The following C10orf67 variants were observed in gnomAD, a reference collection of about 807,000 sequenced individuals.
C10orf67 encodes the protein uncharacterized protein C10orf67, mitochondrial.
Under a neutral mutation model 35.6 loss-of-function variants are expected in C10orf67, and 60 were observed. The observed-to-expected ratio is 1.68, with a 90% CI of 1.37 to 2.09. C10orf67 has a LOEUF of 2.09. C10orf67 is among the 30% of genes most tolerant of loss of function. The pLI is 0.00. For synonymous variants in C10orf67, 167 were observed against 115.8 expected, an observed-to-expected ratio of 1.44 and a Z score of -2.84; for missense variants, 474 against 330.2, an observed-to-expected ratio of 1.44 and a Z score of -3.38.
At chr10:23,220,292 T>C (rs978521048) in intron 15 of C10orf67, among the ~76,000 whole-genome samples, 1 of 152,216 alleles carries the variant, frequency 6.6e-6, no homozygotes, top group Admixed American at 6.5e-5. Context: ...GGGATTATAC[T>C]ATGAACAGCT....
intron 13 of C10orf67, among the ~76,000 whole-genome samples, chr10:23,228,930 A>G (rs971474660): frequency 1.3e-5 from 2 of 152,152 alleles, no homozygotes; most frequent in Non-Finnish European, 1.5e-5. Flanking sequence ...AAAGCCAGGA[A>G]ACAACAGGTG....
At chr10:23,290,171 A>C (rs1049824597) in intron 6 of C10orf67, among the ~76,000 whole-genome samples, 1 of 152,228 alleles carries the variant, frequency 6.6e-6, no homozygotes, top group Non-Finnish European at 1.5e-5. Flanking sequence ...AAGTAAGTTC[A>C]AGATCCAAGT....
At chr10:23,225,981 A>T (rs1841729777) in intron 13 of C10orf67, among the ~76,000 whole-genome samples, 1 of 152,054 alleles carries the variant, frequency 6.6e-6, no homozygotes, top group Non-Finnish European at 1.5e-5. Context: ...CTCACACACA[A>T]TAATAATGGG....
At chr10:23,207,151 CTTT>C (rs10718721) in intron 15 of C10orf67, among the ~76,000 whole-genome samples, 14 of 139,442 alleles carry the variant, frequency 1.0e-4, no homozygotes, top group Non-Finnish European at 9.4e-5. Context: ...TTCCTAAAGG[CTTT>C]TTTTTTTTTT....
chr10:23,212,614 T>G (rs1841336706), intron 15 of C10orf67, among the ~76,000 whole-genome samples: 1 of 152,164 alleles, frequency 6.6e-6, no homozygotes, highest in South Asian at 2.1e-4. Flanking sequence ...ACAAACTCAC[T>G]TCATGCAGAG....
chr10:23,234,491 A>G (rs1244803560), intron 13 of C10orf67, among the ~76,000 whole-genome samples: 3 of 152,146 alleles, frequency 2.0e-5, no homozygotes, highest in Admixed American at 6.5e-5. Flanking sequence ...ACACATGGAC[A>G]TATAGAGGGA....
intron 1 of C10orf67, among the ~76,000 whole-genome samples, chr10:23,335,892 T>C (rs1458361680): frequency 6.6e-6 from 1 of 152,198 alleles, no homozygotes; most frequent in Non-Finnish European, 1.5e-5. Flanking sequence ...CAGCCTAGGA[T>C]TAAGTCTCCC....
chr10:23,215,953 C>T (rs901845633), intron 15 of C10orf67, among the ~76,000 whole-genome samples: 1 of 152,098 alleles, frequency 6.6e-6, no homozygotes, highest in Admixed American at 6.5e-5. Context: ...ACTTTAGTGA[C>T]TTGATTGAAG....
intron 4 of C10orf67, among the ~76,000 whole-genome samples, chr10:23,312,019 G>T (rs1318440261): frequency 6.6e-6 from 1 of 152,140 alleles, no homozygotes; most frequent in East Asian, 1.9e-4. Context: ...TTATAATAGA[G>T]ATATTAACTT....
chr10:23,329,364 A>G (rs189451126), intron 2 of C10orf67, among the ~76,000 whole-genome samples: 199 of 152,336 alleles, frequency 1.3e-3, no homozygotes, highest in African/African-American at 4.5e-3. Flanking sequence ...CATAACATCA[A>G]AAGTGACCCA....
intron 5 of C10orf67, among the ~76,000 whole-genome samples, chr10:23,301,934 G>A (rs959254534): frequency 6.6e-6 from 1 of 152,224 alleles, no homozygotes; most frequent in Admixed American, 6.5e-5. Flanking sequence ...GCGGCAATGG[G>A]CGCCCCGCTG....
intron 2 of C10orf67, 63 bp downstream of exon 2, chr10:23,332,999 G>A (rs1029939087): frequency 2.0e-6 from 3 of 1,502,400 alleles, no homozygotes; most frequent in Admixed American, 2.0e-5. Context: ...GTCTATGAAA[G>A]AAACATGAAG....
intron 2 of C10orf67, among the ~76,000 whole-genome samples, chr10:23,326,037 G>T (rs1390947965): frequency 6.6e-6 from 1 of 152,126 alleles, no homozygotes; most frequent in Non-Finnish European, 1.5e-5. Flanking sequence ...AATGGACAGA[G>T]TTTAGGGACT....
chr10:23,327,881 A>G (rs1845259113), intron 2 of C10orf67, among the ~76,000 whole-genome samples: 1 of 152,114 alleles, frequency 6.6e-6, no homozygotes, highest in African/African-American at 2.4e-5. Context: ...GACTGACCTC[A>G]CACAAAGCCT....
At chr10:23,237,083 G>A (rs900162364) in intron 13 of C10orf67, among the ~76,000 whole-genome samples, 2 of 151,964 alleles carry the variant, frequency 1.3e-5, no homozygotes, top group Non-Finnish European at 2.9e-5. Flanking sequence ...GTTCCTTTGT[G>A]TCCATGTGTA....
intron 7 of C10orf67, among the ~76,000 whole-genome samples, chr10:23,287,795 C>G (rs1288114062): frequency 6.6e-6 from 1 of 152,038 alleles, no homozygotes; most frequent in Non-Finnish European, 1.5e-5. Context: ...ACAACCCCAT[C>G]AAAAAGTGGG....
At chr10:23,305,325 A>C (rs1477561371) in intron 4 of C10orf67, among the ~76,000 whole-genome samples, 2 of 152,210 alleles carry the variant, frequency 1.3e-5, no homozygotes, top group African/African-American at 2.4e-5. Context: ...ATGCATTAAC[A>C]AAATTAGAAG....
chr10:23,316,450 T>G (rs1844714792), intron 4 of C10orf67, among the ~76,000 whole-genome samples: 1 of 152,250 alleles, frequency 6.6e-6, no homozygotes. Flanking sequence ...TCTCTCCGTC[T>G]TGTTGCCTGC....
chr10:23,252,625 G>A (rs1165295998), intron 10 of C10orf67, among the ~76,000 whole-genome samples: 1 of 152,226 alleles, frequency 6.6e-6, no homozygotes, highest in Non-Finnish European at 1.5e-5. Context: ...TTTGAGTGAG[G>A]ACAGAGCTGC....
Sources: allele counts gnomAD v4.1 joint callset (sites outside exome capture counted in the v4.1 genomes callset), GRCh38; gene constraint gnomAD v4.1.1; transcripts MANE v1.5; gene names NCBI Gene and HGNC (gene_info 2026-07-23, HGNC 2026-07-21).